The following NALF1 variants were observed in gnomAD, a reference collection of about 807,000 sequenced individuals.
NALF1 encodes the protein family with sequence similarity 155 member A.
In NALF1, 3 loss-of-function variants were observed where a neutral mutation model predicts 48.4. The observed-to-expected ratio is 0.06, with a 90% CI of 0.03 to 0.16. NALF1 has a LOEUF of 0.16. Among genes scored for constraint, NALF1 ranks in the 10% least tolerant of loss-of-function variants. NALF1 has a pLI of 1.00. For missense variants in NALF1, 526 were observed against 571.5 expected (o/e 0.92, Z 0.81); for synonymous variants, 262 against 245.7 (o/e 1.07, Z -0.62).
chr13:107,281,069 T>A (rs1327872872), intron 1 of NALF1, among the ~76,000 whole-genome samples: 1 of 152,242 alleles, frequency 6.6e-6, no homozygotes, highest in African/African-American at 2.4e-5. Context: ...AGGGACTGTA[T>A]TCCTACAAAT....
chr13:107,253,064 A>G (rs1176730130), intron 1 of NALF1, among the ~76,000 whole-genome samples: 1 of 152,106 alleles, frequency 6.6e-6, no homozygotes, highest in Non-Finnish European at 1.5e-5. Context: ...TCTGTAAAAT[A>G]TTAGTGAGTA....
At chr13:107,170,930 T>C (rs1463987968) in intron 2 of NALF1, 144 bp from the exon 3 acceptor site, 5 of 715,974 alleles carry the variant, frequency 7.0e-6, no homozygotes, top group East Asian at 2.7e-5. Context: ...GTCAATGCAA[T>C]TGGATAAAGA....
chr13:107,305,475 G>C (rs555591448), intron 1 of NALF1, among the ~76,000 whole-genome samples: 27 of 152,220 alleles, frequency 1.8e-4, no homozygotes, highest in African/African-American at 5.8e-4. Context: ...CTCATATTAA[G>C]TTAAAAAATC....
At chr13:107,481,677 A>G (rs192127454) in intron 1 of NALF1, among the ~76,000 whole-genome samples, 2 of 152,102 alleles carry the variant, frequency 1.3e-5, no homozygotes, top group African/African-American at 4.8e-5. Flanking sequence ...ATAAGTGAAA[A>G]TCCAAGGGGG....
intron 1 of NALF1, among the ~76,000 whole-genome samples, chr13:107,733,828 G>T (rs1199645189): frequency 6.6e-6 from 1 of 152,134 alleles, no homozygotes; most frequent in South Asian, 2.1e-4. Flanking sequence ...GAAGAGGAAA[G>T]CATAAGAACA....
At chr13:107,839,575 T>C (rs1464042560) in intron 1 of NALF1, among the ~76,000 whole-genome samples, 2 of 151,338 alleles carry the variant, frequency 1.3e-5, no homozygotes, top group African/African-American at 4.9e-5. Context: ...TGTGAGGAAA[T>C]TAAAGGAGAG....
At chr13:107,504,794 C>T (rs991669060) in intron 1 of NALF1, among the ~76,000 whole-genome samples, 11 of 152,160 alleles carry the variant, frequency 7.2e-5, no homozygotes, top group African/African-American at 2.7e-4. Flanking sequence ...CTAACTTATT[C>T]TGTTCATTCT....
At chr13:107,440,740 C>A (rs183992652) in intron 1 of NALF1, among the ~76,000 whole-genome samples, 2 of 152,016 alleles carry the variant, frequency 1.3e-5, no homozygotes, top group Non-Finnish European at 2.9e-5. Flanking sequence ...GTGAACTAAC[C>A]GAATTCTCCA....
chr13:107,460,613 C>A (rs1031622439), intron 1 of NALF1, among the ~76,000 whole-genome samples: 1 of 152,132 alleles, frequency 6.6e-6, no homozygotes, highest in Non-Finnish European at 1.5e-5. Context: ...ACACAGATTT[C>A]GACCTAGTGC....
intron 1 of NALF1, among the ~76,000 whole-genome samples, chr13:107,641,873 C>A (rs1239912342): frequency 1.3e-5 from 2 of 152,146 alleles, no homozygotes; most frequent in Admixed American, 1.3e-4. Flanking sequence ...TATATTACAA[C>A]CCCCTGGAAA....
rs59239109 is a variant in NALF1, at chr13:107,779,923, G to A, written c.915+85759C>T. On this transcript the variant is annotated intron_variant, in intron 1 of 2. Coordinates refer to ENST00000375915, the MANE Select transcript of NALF1 (RefSeq NM_001080396.3). ...TGTAAATGTTAAAGTACGCTTCCTG[G>A]TCTTAAGCCATTTGGAAAACAAAAT... 4.7e-3 allele frequency among the ~76,000 whole-genome samples: 722 copies of A among 152,098 alleles called. 3 individuals are homozygous for A. Among genetic ancestry groups the A allele is most frequent in the African/African-American group, 0.017 (687 of 41,470 alleles).
At chr13:107,837,026 T>C (rs981515475) in intron 1 of NALF1, among the ~76,000 whole-genome samples, 1 of 152,166 alleles carries the variant, frequency 6.6e-6, no homozygotes, top group African/African-American at 2.4e-5. Flanking sequence ...TGCTTTAGAA[T>C]GAAAAGAACA....
At chr13:107,281,822 G>A (rs1881393136) in intron 1 of NALF1, among the ~76,000 whole-genome samples, 1 of 152,154 alleles carries the variant, frequency 6.6e-6, no homozygotes, top group African/African-American at 2.4e-5. Context: ...TGGCAGGAAG[G>A]ACAATGAATG....
rs557171257 is a variant in NALF1 at position 107,774,602 on chromosome 13, A to G, written c.915+91080T>C. 3.9e-5 allele frequency among the ~76,000 whole-genome samples: 6 copies of G among 152,330 alleles called. No homozygotes were observed. The East Asian group carries it at 7.7e-4, about 20-fold the overall frequency. On this transcript the variant is annotated intron_variant, in intron 1 of 2. Transcript: ENST00000375915. ...ACCAGCATATAACTTTGGTTACTAC[A>G]TTCTCTGTAGTTCCATAATTTATCC...
At chr13:107,333,345 T>C (rs1384217761) in intron 1 of NALF1, among the ~76,000 whole-genome samples, 1 of 152,006 alleles carries the variant, frequency 6.6e-6, no homozygotes, top group African/African-American at 2.4e-5. Context: ...CACTTGGGAG[T>C]CATTTAGGCT....
At chr13:107,318,501 T>C (rs1249716334) in intron 1 of NALF1, among the ~76,000 whole-genome samples, 1 of 152,072 alleles carries the variant, frequency 6.6e-6, no homozygotes, top group Non-Finnish European at 1.5e-5. Context: ...TTACAAAGTA[T>C]GAGTTTCAAA....
At chr13:107,431,100 T>C (rs180977284) in intron 1 of NALF1, among the ~76,000 whole-genome samples, 208 of 152,328 alleles carry the variant, frequency 1.4e-3, no homozygotes, top group Non-Finnish European at 2.5e-3. Flanking sequence ...AATGTCTTCT[T>C]TTGAGAAGTG....
At chr13:107,283,395 T>C (rs914786337) in intron 1 of NALF1, among the ~76,000 whole-genome samples, 2 of 151,956 alleles carry the variant, frequency 1.3e-5, no homozygotes, top group Non-Finnish European at 2.9e-5. Flanking sequence ...GAGCAAACTT[T>C]ATCATAACTC....
intron 1 of NALF1, among the ~76,000 whole-genome samples, chr13:107,241,832 A>G (rs1303822433): frequency 6.6e-6 from 1 of 152,164 alleles, no homozygotes; most frequent in Non-Finnish European, 1.5e-5. Flanking sequence ...ACACATAAAT[A>G]TGAAGTGCTG....
Sources: allele counts gnomAD v4.1 joint callset (sites outside exome capture counted in the v4.1 genomes callset), GRCh38; gene constraint gnomAD v4.1.1; transcripts MANE v1.5; gene names NCBI Gene and HGNC (gene_info 2026-07-23, HGNC 2026-07-21).